Variants in PYY observed in about 807,000 individuals in gnomAD.
The protein encoded by PYY is peptide tyrosine tyrosine.
A neutral mutation model predicts 10.3 loss-of-function variants in PYY; 12 were observed. That is an observed-to-expected ratio of 1.17 (90% CI 0.75 to 1.89). The LOEUF is 1.89. Ranked by LOEUF, PYY falls within the 40% of genes most tolerant of loss-of-function variation. The pLI, the probability that PYY is intolerant of heterozygous loss-of-function variation, is 0.00. For missense variants in PYY, 141 were observed against 134.0 expected (o/e 1.05, Z -0.26); for synonymous variants, 66 against 62.0 (o/e 1.06, Z -0.30).
At chr17:43,992,630 C>T (rs1024802271) in intron 1 of PYY, among the ~76,000 whole-genome samples, 1 of 152,048 alleles carries the variant, frequency 6.6e-6, no homozygotes, top group Non-Finnish European at 1.5e-5. Flanking sequence ...CTGCTTGAAC[C>T]TGGGAGGCGG....
chr17:44,000,396 A>G (rs2049018004), intron 1 of PYY, among the ~76,000 whole-genome samples: 1 of 152,010 alleles, frequency 6.6e-6, no homozygotes, highest in African/African-American at 2.4e-5. Context: ...AGATAAGGGC[A>G]GATGGCACTG....
At chr17:43,997,429 A>G (rs2048998708) in intron 1 of PYY, among the ~76,000 whole-genome samples, 1 of 152,182 alleles carries the variant, frequency 6.6e-6, no homozygotes, top group Admixed American at 6.5e-5. Flanking sequence ...TCCCAAGTAG[A>G]GGACACAGCC....
chr17:43,955,561 C>T (rs1019775773), upstream of PYY, among the ~76,000 whole-genome samples: 1 of 152,102 alleles, frequency 6.6e-6, no homozygotes, highest in Non-Finnish European at 1.5e-5. Flanking sequence ...GACACCAGGA[C>T]AAGGGGACAT....
chr17:43,963,462 C>T (rs1308159769), intron 2 of PYY, among the ~76,000 whole-genome samples: 2 of 136,046 alleles, frequency 1.5e-5, no homozygotes, highest in South Asian at 2.5e-4. Flanking sequence ...GAGCTGAGAT[C>T]ATGCCATTGC....
intron 1 of PYY, among the ~76,000 whole-genome samples, chr17:43,984,968 G>A (rs1375912812): frequency 6.6e-6 from 1 of 152,006 alleles, no homozygotes; most frequent in Non-Finnish European, 1.5e-5. Context: ...TAATGAAAAA[G>A]GAAAGGCTCT....
chr17:43,991,864 T>C (rs539647710), intron 1 of PYY, among the ~76,000 whole-genome samples: 2 of 151,298 alleles, frequency 1.3e-5, no homozygotes, highest in South Asian at 2.1e-4. Flanking sequence ...CTCACGCCTG[T>C]AATCCCAACA....
At chr17:43,953,004 T>C (rs370422483) in intron 3 of PYY, 24 bp from the exon 4 acceptor site, 139 of 1,577,430 alleles carry the variant, frequency 8.8e-5, no homozygotes, top group Non-Finnish European at 1.1e-4. Context: ...GGGGAAGGAA[T>C]TGGATCTGGG....
At chr17:43,959,797 T>C (rs906715824) in intron 2 of PYY, among the ~76,000 whole-genome samples, 1 of 152,268 alleles carries the variant, frequency 6.6e-6, no homozygotes, top group African/African-American at 2.4e-5. Context: ...GCACATCCCC[T>C]CCACATGAAT....
At position 43,952,905 on chromosome 17, in the gene PYY, G is replaced by A. The variant is rs1201894889; in HGVS notation, c.*51C>T. The A allele has an allele frequency of 2.0e-6, 3 of 1,514,292 alleles. No homozygotes were observed. The highest frequency in any genetic ancestry group is 1.8e-4 in the Middle Eastern group (1 of 5,654). 93.8% of individuals were successfully genotyped at this position (1,514,292 alleles called of 1,614,324 possible). ...GGTTTCTGGGGTCGGGAGTGCGTAT[G>A]CAAATGACGTGGGCGTGGTTGGCAG... On this transcript the variant is annotated 3_prime_UTR_variant, in exon 4 of 4. Coordinates refer to ENST00000692052, the MANE Select transcript of PYY (RefSeq NM_001394028.1).
intron 1 of PYY, among the ~76,000 whole-genome samples, chr17:43,997,561 C>T (rs1480286290): frequency 6.6e-6 from 1 of 152,016 alleles, no homozygotes; most frequent in Non-Finnish European, 1.5e-5. Flanking sequence ...CAAACAAGTG[C>T]CTGGCAATCA....
At chr17:43,953,547 G>A in intron 1 of PYY, 64 bp from the exon 2 acceptor site, 2 of 1,429,622 alleles carry the variant, frequency 1.4e-6, no homozygotes, top group Admixed American at 2.6e-5. Context: ...GGGAGGCTGC[G>A]GCTGCCGTCG....
rs1048861093 is a variant in PYY, at chr17:43,988,536, C to T, written c.-463+15855G>A. Among the ~76,000 whole-genome samples the T allele has an allele frequency of 4.6e-5, 7 of 152,250 alleles. No individual in the cohort carries two copies. The East Asian group carries it at 1.4e-3, about 29-fold the overall frequency. On this transcript the variant is annotated intron_variant, in intron 1 of 6. Coordinates refer to the PYY transcript ENST00000360085. ...GGGTTGACTGCCACCCTGAGCACTCCAGGGCACTCAATCCTCTCTCAGAGC... is the reference window on the plus strand; with the variant it reads ...GGGTTGACTGCCACCCTGAGCACTCTAGGGCACTCAATCCTCTCTCAGAGC...
intron 1 of PYY, among the ~76,000 whole-genome samples, chr17:43,972,559 A>ATC (rs2048802291): frequency 6.7e-6 from 1 of 148,518 alleles, no homozygotes; most frequent in African/African-American, 2.5e-5. Flanking sequence ...TTGAGACAGG[A>ATC]TCTCAATCAC....
intron 1 of PYY, among the ~76,000 whole-genome samples, chr17:43,978,259 GAAAGAA>G (rs2048861153): frequency 6.8e-6 from 1 of 146,744 alleles, no homozygotes; most frequent in Non-Finnish European, 1.5e-5. Flanking sequence ...GAAAGAAAGA[GAAAGAA>G]AGAGAGAGAG....
At chr17:43,978,952 T>C (rs1294551241) in intron 1 of PYY, among the ~76,000 whole-genome samples, 3 of 152,216 alleles carry the variant, frequency 2.0e-5, no homozygotes, top group Non-Finnish European at 4.4e-5. Flanking sequence ...GGTCTGTTTT[T>C]CTTCTGCCCC....
rs900320795 is a variant in PYY at position 43,975,843 on chromosome 17, C to T, written c.-462-9311G>A. ...ACACGTGTCTACGTACGTGTACATA[C>T]ACGTGTCTACGTACGTGTACATACA... On this transcript the variant is annotated intron_variant, in intron 1 of 6. Transcript: ENST00000360085. Among the ~76,000 whole-genome samples, 54 of 18,434 alleles carry T rather than the reference C, an allele frequency of 2.9e-3. 1 individual carries two copies. Among genetic ancestry groups the T allele is most frequent in the Non-Finnish European group, 7.8e-3 (46 of 5,912 alleles). The allele number at this position is 18,434 out of a possible 152,430, so 12.1% of individuals were successfully genotyped here. A position where few individuals can be genotyped will look rare whatever the true frequency, so the allele number is the denominator to read the frequency against.
chr17:43,992,639 G>A (rs969286450), intron 1 of PYY, among the ~76,000 whole-genome samples: 4 of 152,022 alleles, frequency 2.6e-5, no homozygotes, highest in Non-Finnish European at 4.4e-5. Flanking sequence ...CCTGGGAGGC[G>A]GAGGTTGCCG....
chr17:44,000,088 A>T (rs2049016174), intron 1 of PYY, among the ~76,000 whole-genome samples: 1 of 152,028 alleles, frequency 6.6e-6, no homozygotes, highest in Non-Finnish European at 1.5e-5. Flanking sequence ...GTCATAGCTT[A>T]TTGCATGCAG....
upstream of PYY, chr17:43,957,859 T>A (rs2048684595): frequency 6.5e-6 from 1 of 153,904 alleles, no homozygotes; most frequent in African/African-American, 2.4e-5. Flanking sequence ...AGGGGGTGGG[T>A]TTAGGAAACA....
Sources: gnomAD v4.1 joint callset for allele counts (sites outside exome capture counted in the v4.1 genomes callset) on GRCh38, gnomAD v4.1.1 for gene constraint, MANE v1.5 for transcripts, NCBI Gene and HGNC (gene_info 2026-07-23, HGNC 2026-07-21) for gene names.